PTCHD4: variants seen among roughly 807,000 people sequenced by gnomAD.
The protein encoded by PTCHD4 is patched domain containing 4.
Under a neutral mutation model 58.1 loss-of-function variants are expected in PTCHD4, and 33 were observed. The ratio of observed to expected loss-of-function variants is 0.57; its 90% confidence interval spans 0.43 to 0.76. The LOEUF (loss-of-function observed/expected upper bound fraction) is 0.76, where lower values mean the gene tolerates loss of function less well. PTCHD4 is among the 30% of genes least tolerant of loss of function. The pLI is 0.00. For synonymous variants in PTCHD4, 478 were observed against 409.6 expected (o/e 1.17, Z -2.02); for missense variants, 1,058 against 1,027.1 (o/e 1.03, Z -0.41).
At chr6:47,985,777 T>A (rs546186427) in intron 4 of PTCHD4, among the ~76,000 whole-genome samples, 34 of 152,062 alleles carry the variant, frequency 2.2e-4, no homozygotes, top group African/African-American at 7.2e-4. Context: ...ATCCATGGAA[T>A]GTGCATTTTG....
chr6:47,923,588 T>G (rs1387583791), intron 4 of PTCHD4, among the ~76,000 whole-genome samples: 2 of 152,188 alleles, frequency 1.3e-5, no homozygotes, highest in African/African-American at 4.8e-5. Context: ...GCTTATAGTG[T>G]GGTTTCTGTG....
At chr6:48,086,000 G>T (rs961878827) in intron 1 of PTCHD4, among the ~76,000 whole-genome samples, 1 of 151,486 alleles carries the variant, frequency 6.6e-6, no homozygotes, top group East Asian at 1.9e-4. Flanking sequence ...ATATTTTTTG[G>T]TTTTGACATG....
chr6:47,909,890 T>G (rs1765016402), intron 4 of PTCHD4, among the ~76,000 whole-genome samples: 1 of 152,158 alleles, frequency 6.6e-6, no homozygotes, highest in Non-Finnish European at 1.5e-5. Context: ...TGGTTTGGCA[T>G]GAGAAATGTC....
intron 1 of PTCHD4, among the ~76,000 whole-genome samples, chr6:48,079,987 T>G (rs1177693124): frequency 9.8e-6 from 1 of 102,532 alleles, no homozygotes; most frequent in African/African-American, 4.1e-5. Context: ...TTTTTTTTTT[T>G]TTTTTTTTTT....
intron 1 of PTCHD4, among the ~76,000 whole-genome samples, chr6:48,075,612 C>T (rs546503464): frequency 6.6e-6 from 1 of 152,192 alleles, no homozygotes. Context: ...TCCAGACCAT[C>T]ACAATAAAGC....
rs144717679 is a variant in PTCHD4 at position 48,093,080 on chromosome 6, G to A, written c.-970+17969C>T. ...ACAACAGACTTCCCTGGCATGCTTC[G>A]CTTGATAAAAATAGTTTTTGGCACT... On this transcript the variant is annotated intron_variant, in intron 1 of 4. Transcript: ENST00000339488. 1.9e-4 allele frequency among the ~76,000 whole-genome samples: 29 copies of A among 152,228 alleles called. 1 individual carries two copies. In the East Asian group the frequency reaches 4.5e-3, roughly 23 times the overall value.
chr6:47,877,336 C>A lies in PTCHD4; in HGVS notation c.*967G>T, dbSNP rs2114091820. 6.6e-6 allele frequency among the ~76,000 whole-genome samples: 1 copy of A among 152,186 alleles called. No homozygotes were observed. Among genetic ancestry groups the A allele is most frequent in the Admixed American group, 6.5e-5 (1 of 15,280 alleles). On this transcript the variant is annotated 3_prime_UTR_variant, in exon 5 of 5. Transcript: ENST00000339488. ...ACCCTTAGACTCATGTATGGATAAT[C>A]TGTGTAAAGCGCTCATTTGCAATTG... is the stretch of plus-strand genomic sequence containing the variant.
chr6:48,028,776 A>T (rs1466479928), intron 3 of PTCHD4, among the ~76,000 whole-genome samples: 1 of 152,030 alleles, frequency 6.6e-6, no homozygotes, highest in Non-Finnish European at 1.5e-5. Flanking sequence ...CAACTCACCT[A>T]ATCAAATATT....
intron 1 of PTCHD4, among the ~76,000 whole-genome samples, chr6:48,071,441 A>G (rs1764972882): frequency 6.6e-6 from 1 of 152,234 alleles, no homozygotes. Context: ...ATATACACAT[A>G]GAAAAAAGAT....
In PTCHD4 at chr6:47,868,190, C is replaced by CT. The variant is rs567276465; in HGVS notation, c.*10112dup. 2.3e-4 allele frequency among the ~76,000 whole-genome samples: 34 copies of CT among 150,806 alleles called. No individual in the cohort carries two copies. The highest frequency in any genetic ancestry group is 1.6e-3 in the East Asian group (8 of 5,102). ...GTTTTAAAATTTTTTCTCACTTTAC[C>CT]TTTTTTTTTAAAAAAACACCCTTGT... On this transcript the variant is annotated 3_prime_UTR_variant, in exon 5 of 5. Transcript: ENST00000339488.
At chr6:48,095,017 TAGATTATA>T (rs1429059081) in intron 1 of PTCHD4, among the ~76,000 whole-genome samples, 2 of 152,156 alleles carry the variant, frequency 1.3e-5, no homozygotes, top group African/African-American at 4.8e-5. Context: ...CAGGGTAGTA[TAGATTATA>T]AAGATGTAGG....
At chr6:48,074,343 C>A (rs138834716) in intron 1 of PTCHD4, among the ~76,000 whole-genome samples, 18 of 152,190 alleles carry the variant, frequency 1.2e-4, no homozygotes, top group African/African-American at 4.3e-4. Context: ...GAACCCAGGT[C>A]ATTTTCCTCT....
In PTCHD4 at chr6:47,868,729, T is replaced by C. The variant is rs966139529; in HGVS notation, c.*9574A>G. On this transcript the variant is annotated 3_prime_UTR_variant, in exon 5 of 5. Coordinates refer to ENST00000339488, the MANE Select transcript of PTCHD4 (RefSeq NM_001384253.1). ...CCAGCTTAATTTTTCTGAGTTCTTA[T>C]TTCATTCCTTTCTAGCCATGCTTAT... is the stretch of plus-strand genomic sequence containing the variant. Among the ~76,000 whole-genome samples the C allele has an allele frequency of 1.3e-5, 2 of 151,760 alleles. No individual in the cohort carries two copies. The highest frequency in any genetic ancestry group is 1.3e-4 in the Admixed American group (2 of 15,188).
intron 3 of PTCHD4, among the ~76,000 whole-genome samples, chr6:48,017,655 A>C (rs1212449852): frequency 6.6e-6 from 1 of 152,190 alleles, no homozygotes; most frequent in African/African-American, 2.4e-5. Flanking sequence ...TCTATGAAGA[A>C]GTGCTATACT....
At chr6:47,988,839 T>A (rs1415960956) in intron 4 of PTCHD4, among the ~76,000 whole-genome samples, 2 of 152,154 alleles carry the variant, frequency 1.3e-5, no homozygotes, top group African/African-American at 2.4e-5. Context: ...ATGGACTAAT[T>A]CAGTAAATTG....
intron 4 of PTCHD4, among the ~76,000 whole-genome samples, chr6:47,982,644 A>T (rs1767927317): frequency 6.6e-6 from 1 of 151,988 alleles, no homozygotes; most frequent in Non-Finnish European, 1.5e-5. Context: ...GCCCGCCACC[A>T]GGCCGGCTAA....
chr6:47,920,759 A>G (rs1765405945), intron 4 of PTCHD4, among the ~76,000 whole-genome samples: 1 of 152,224 alleles, frequency 6.6e-6, no homozygotes, highest in South Asian at 2.1e-4. Flanking sequence ...AGTGTAAAGA[A>G]TTAGCTTATG....
intron 4 of PTCHD4, among the ~76,000 whole-genome samples, chr6:47,963,033 G>C (rs1223021703): frequency 6.6e-6 from 1 of 151,948 alleles, no homozygotes; most frequent in Non-Finnish European, 1.5e-5. Context: ...GGAGGCTGAG[G>C]CAGGAGAATT....
At chr6:47,945,178 G>T (rs1256238512) in intron 4 of PTCHD4, among the ~76,000 whole-genome samples, 1 of 152,038 alleles carries the variant, frequency 6.6e-6, no homozygotes, top group East Asian at 1.9e-4. Context: ...AATTCACACT[G>T]ATAATGTTAA....
Sources: allele counts gnomAD v4.1 joint callset (sites outside exome capture counted in the v4.1 genomes callset), GRCh38; gene constraint gnomAD v4.1.1; transcripts MANE v1.5; gene names NCBI Gene and HGNC (gene_info 2026-07-23, HGNC 2026-07-21).